The following CDRT4 variants were observed in gnomAD, a reference collection of about 807,000 sequenced individuals.
CDRT4 encodes CMT1A duplicated region transcript 4, also known as CMT1A duplicated region transcript 4 protein.
For synonymous variants in CDRT4, 64 were observed against 69.6 expected (o/e 0.92, Z 0.40); for missense variants, 167 against 193.1 (o/e 0.87, Z 0.80).
chr17:15,440,433 T>A, intron 2 of CDRT4, 148 bp from the exon 3 acceptor site: 1 of 929,218 alleles, frequency 1.1e-6, no homozygotes, highest in Non-Finnish European at 1.6e-6. Context: ...ATGTTTTTTG[T>A]GGAGCTGGAG....
rs531401802 is a variant in CDRT4, at chr17:15,437,707, T to C, written c.*66A>G. On this transcript the variant is annotated 3_prime_UTR_variant, in exon 4 of 4. Transcript: ENST00000619038. ...TGAGTGGTAAATGGAGCTTAACTTTTGTACGTTCTTGGGGAATGGCTGCAG... is the reference window on the plus strand; with the variant it reads ...TGAGTGGTAAATGGAGCTTAACTTTCGTACGTTCTTGGGGAATGGCTGCAG... 4.0e-6 allele frequency: 6 copies of C among 1,505,328 alleles called. No homozygotes were observed. Among genetic ancestry groups the C allele is most frequent in the Non-Finnish European group, 5.5e-6 (6 of 1,095,768 alleles). The allele number at this position is 1,505,328 out of a possible 1,614,324, so 93.2% of individuals were successfully genotyped here.
chr17:15,437,683 G>T lies in CDRT4; in HGVS notation c.*90C>A. On this transcript the variant is annotated 3_prime_UTR_variant, in exon 4 of 4. Coordinates refer to ENST00000619038, the MANE Select transcript of CDRT4 (RefSeq NM_001204477.2). ...TCAGATTTAAAGGACACTGTCAAGT[G>T]AGTGGTAAATGGAGCTTAACTTTTG... 7.7e-7 allele frequency: 1 copy of T among 1,303,766 alleles called. No individual in the cohort carries two copies. The highest frequency in any genetic ancestry group is 1.1e-6 in the Non-Finnish European group (1 of 930,526). 80.8% of individuals were successfully genotyped at this position (1,303,766 alleles called of 1,614,324 possible). A position where few individuals can be genotyped will look rare whatever the true frequency, so the allele number is the denominator to read the frequency against.
chr17:15,439,255 C>T, intron 3 of CDRT4: 1 of 427,990 alleles, frequency 2.3e-6, no homozygotes, highest in Non-Finnish European at 4.6e-6. Context: ...ATCTTGCCAT[C>T]TCCAAATTGA....
At chr17:15,455,180 G>A (rs1979432235) in intron 1 of CDRT4, among the ~76,000 whole-genome samples, 1 of 152,082 alleles carries the variant, frequency 6.6e-6, no homozygotes, top group African/African-American at 2.4e-5. Context: ...CCTTGGAGTG[G>A]AGCTGGGATG....
intron 2 of CDRT4, chr17:15,443,791 C>T: frequency 1.9e-6 from 1 of 529,706 alleles, no homozygotes; most frequent in Non-Finnish European, 3.7e-6. Context: ...AAAAAAGGCT[C>T]CGGGTTGACA....
chr17:15,439,203 C>A, intron 3 of CDRT4: 1 of 455,128 alleles, frequency 2.2e-6, no homozygotes, highest in Admixed American at 2.4e-5. Flanking sequence ...TTTCTTTGGT[C>A]ATTTCAACTG....
intron 3 of CDRT4, chr17:15,439,271 GT>G: frequency 2.5e-6 from 1 of 396,104 alleles, no homozygotes; most frequent in Admixed American, 3.1e-5. Context: ...ATTGAATGCA[GT>G]TAAAAAAAAA....
chr17:15,445,081 G>A (rs1418690344), intron 2 of CDRT4, among the ~76,000 whole-genome samples: 2 of 152,170 alleles, frequency 1.3e-5, no homozygotes, highest in African/African-American at 4.8e-5. Flanking sequence ...ATGGATTAGT[G>A]CTCTGGCACA....
chr17:15,461,223 T>C (rs1005142439), intron 1 of CDRT4, among the ~76,000 whole-genome samples: 4 of 152,212 alleles, frequency 2.6e-5, no homozygotes, highest in Non-Finnish European at 2.9e-5. Flanking sequence ...AACTGTTCTG[T>C]CTTTTCTGTC....
chr17:15,444,417 T>C (rs1043561821), intron 2 of CDRT4, among the ~76,000 whole-genome samples: 5 of 152,140 alleles, frequency 3.3e-5, no homozygotes, highest in African/African-American at 4.8e-5. Context: ...CGTGATTTGA[T>C]TGGAATGGGA....
chr17:15,444,523 T>C (rs1285384922), intron 2 of CDRT4, among the ~76,000 whole-genome samples: 3 of 152,002 alleles, frequency 2.0e-5, no homozygotes, highest in African/African-American at 4.8e-5. Context: ...CAAAAACAAA[T>C]TGAAGATTTA....
At chr17:15,446,356 G>A (rs1979026573) in intron 2 of CDRT4, among the ~76,000 whole-genome samples, 1 of 152,068 alleles carries the variant, frequency 6.6e-6, no homozygotes, top group Admixed American at 6.6e-5. Context: ...AATGGGTTCT[G>A]CGGGGTGCAC....
intron 1 of CDRT4, among the ~76,000 whole-genome samples, chr17:15,460,676 C>A (rs1403657734): frequency 6.6e-6 from 1 of 152,206 alleles, no homozygotes; most frequent in Non-Finnish European, 1.5e-5. Flanking sequence ...TGCTCCCACA[C>A]TTGCCCCCTG....
At chr17:15,461,193 T>C (rs1488725204) in intron 1 of CDRT4, among the ~76,000 whole-genome samples, 1 of 152,222 alleles carries the variant, frequency 6.6e-6, no homozygotes, top group Admixed American at 6.5e-5. Context: ...TCTTAGAACT[T>C]GAATTCCATG....
In CDRT4 at chr17:15,443,446, A is replaced by ATTT. The variant is rs34178494; in HGVS notation, c.-47-3164_-47-3162dup. Among the ~76,000 whole-genome samples the ATTT allele has an allele frequency of 3.1e-3, 385 of 125,382 alleles. 4 individuals are homozygous for ATTT. Among genetic ancestry groups the ATTT allele is most frequent in the African/African-American group, 0.011 (362 of 33,264 alleles). 82.3% of individuals were successfully genotyped at this position (125,382 alleles called of 152,430 possible). The stretch of plus-strand genomic sequence containing the variant: ...AGGCACACACCACCATAGCTGGATA[A>ATTT]TTTTTTTTTTTTTTTTTTTTAGTAG... On this transcript the variant is annotated intron_variant, in intron 2 of 3. Coordinates refer to ENST00000619038, the MANE Select transcript of CDRT4 (RefSeq NM_001204477.2).
In CDRT4 at chr17:15,438,173, C is replaced by T. The variant is rs372922142; in HGVS notation, c.59G>A (p.Arg20Gln). ...GGGGTCATGTTTTTCAAGTAGCTTCCGGGGAAGTCCAGTGTTTTCTGTGAG... is the reference window on the plus strand; with the variant it reads ...GGGGTCATGTTTTTCAAGTAGCTTCTGGGGAAGTCCAGTGTTTTCTGTGAG... ...EGLTENTGLP[R>Q]KLLEKHDPWP... Residue 20 changes from arginine to glutamine, a missense_variant, in exon 4 of 4, where the codon CGG becomes CAG. Coordinates refer to ENST00000619038, the MANE Select transcript of CDRT4 (RefSeq NM_001204477.2). The T allele has an allele frequency of 5.5e-5, 89 of 1,613,740 alleles. No homozygotes were observed. The highest frequency in any genetic ancestry group is 1.2e-4 in the African/African-American group (9 of 74,828).
intron 1 of CDRT4, among the ~76,000 whole-genome samples, chr17:15,454,935 A>G (rs1047258700): frequency 6.6e-6 from 1 of 152,216 alleles, no homozygotes; most frequent in Non-Finnish European, 1.5e-5. Context: ...GGAGCTTTGT[A>G]ACCGTTAGCT....
intron 1 of CDRT4, among the ~76,000 whole-genome samples, chr17:15,455,804 C>G (rs567838465): frequency 1.3e-5 from 2 of 152,308 alleles, no homozygotes; most frequent in Non-Finnish European, 2.9e-5. Flanking sequence ...GAAGTGGATT[C>G]TCCTCCTGTT....
chr17:15,455,316 C>T (rs894248238), intron 1 of CDRT4, among the ~76,000 whole-genome samples: 8 of 152,184 alleles, frequency 5.3e-5, no homozygotes, highest in African/African-American at 1.9e-4. Context: ...TAAGGGTAAA[C>T]ATGGAAATCG....
Sources: allele counts gnomAD v4.1 joint callset (sites outside exome capture counted in the v4.1 genomes callset), GRCh38; gene constraint gnomAD v4.1.1; transcripts MANE v1.5; gene names NCBI Gene and HGNC (gene_info 2026-07-23, HGNC 2026-07-21).